CSMD1: variants seen among roughly 807,000 people sequenced by gnomAD.
The protein encoded by CSMD1 is CUB and sushi domain-containing protein 1.
In CSMD1, 213 loss-of-function variants were observed where a neutral mutation model predicts 417.5. The ratio of observed to expected loss-of-function variants is 0.51; its 90% confidence interval spans 0.46 to 0.57. The LOEUF is 0.57. CSMD1 is among the 20% of genes least tolerant of loss of function. The pLI is 0.00. For missense variants in CSMD1, 6,923 were observed against 4,529.7 expected, an observed-to-expected ratio of 1.53 and a Z score of -15.17; for synonymous variants, 2,862 against 1,736.8, an observed-to-expected ratio of 1.65 and a Z score of -16.11.
At chr8:4,295,357 T>C (rs1797616951) in intron 3 of CSMD1, among the ~76,000 whole-genome samples, 1 of 143,808 alleles carries the variant, frequency 7.0e-6, no homozygotes, top group South Asian at 2.3e-4. Flanking sequence ...CATATAACCT[T>C]AAGATTATAT....
intron 5 of CSMD1, among the ~76,000 whole-genome samples, chr8:3,970,345 A>G (rs1026205290): frequency 3.9e-5 from 6 of 152,168 alleles, no homozygotes; most frequent in Admixed American, 3.9e-4. Context: ...CCAGCATAAG[A>G]TCGCAGCAGC....
intron 1 of CSMD1, among the ~76,000 whole-genome samples, chr8:4,689,412 TAAGA>T (rs1806610706): frequency 6.6e-6 from 1 of 152,216 alleles, no homozygotes; most frequent in African/African-American, 2.4e-5. Flanking sequence ...ATATGTTTCA[TAAGA>T]AATAAGAAAA....
intron 23 of CSMD1, among the ~76,000 whole-genome samples, chr8:3,338,922 T>TG (rs1247966243): frequency 2.0e-5 from 3 of 151,600 alleles, no homozygotes; most frequent in Non-Finnish European, 4.4e-5. Context: ...GCCATGCTGG[T>TG]GCGCTGCACC....
intron 1 of CSMD1, among the ~76,000 whole-genome samples, chr8:4,761,635 C>T (rs930870209): frequency 6.6e-5 from 10 of 152,108 alleles, no homozygotes; most frequent in African/African-American, 2.2e-4. Flanking sequence ...CAAATGAAAT[C>T]ATTATAATTC....
Position 3,940,841 on chromosome 8 carries a change from G to A in CSMD1, c.818+57062C>T, listed in dbSNP as rs1379946171. 2.0e-5 allele frequency among the ~76,000 whole-genome samples: 3 copies of A among 151,038 alleles called. No individual in the cohort carries two copies. The Admixed American group carries it at 2.0e-4, about 10-fold the overall frequency. On this transcript the variant is annotated intron_variant, in intron 5 of 69. Transcript: ENST00000635120. ...TAAAAACCACAACTTAACCCAAGAA[G>A]TTTATTAAAAACTAATCATACGCTT... is the stretch of plus-strand genomic sequence containing the variant.
intron 3 of CSMD1, among the ~76,000 whole-genome samples, chr8:4,261,401 G>T (rs1260237547): frequency 6.6e-6 from 1 of 152,126 alleles, no homozygotes; most frequent in African/African-American, 2.4e-5. Context: ...TAGTTGCCAG[G>T]GGCTGGGGAG....
chr8:3,841,491 A>G (rs1803129146), intron 5 of CSMD1, among the ~76,000 whole-genome samples: 1 of 152,078 alleles, frequency 6.6e-6, no homozygotes, highest in South Asian at 2.1e-4. Flanking sequence ...TTCCCTTTTC[A>G]TTGCTCTTCT....
intron 2 of CSMD1, among the ~76,000 whole-genome samples, chr8:4,508,947 T>C (rs982281853): frequency 1.3e-5 from 2 of 152,020 alleles, no homozygotes; most frequent in South Asian, 2.1e-4. Context: ...ACAGGTCCAA[T>C]GTGAGGGCAG....
intron 3 of CSMD1, among the ~76,000 whole-genome samples, chr8:4,088,955 G>A (rs925994264): frequency 6.6e-6 from 1 of 152,048 alleles, no homozygotes; most frequent in Non-Finnish European, 1.5e-5. Context: ...TGAATTCCAC[G>A]AAGGGTCACA....
chr8:3,724,433 T>C lies in CSMD1; in HGVS notation c.932-15942A>G, dbSNP rs77143545. 7.9e-3 allele frequency among the ~76,000 whole-genome samples: 1,210 copies of C among 152,324 alleles called. 4 individuals are homozygous for C. Among genetic ancestry groups the C allele is most frequent in the Middle Eastern group, 0.017 (5 of 294 alleles). On this transcript the variant is annotated intron_variant, in intron 6 of 69. Transcript: ENST00000635120. ...TCACTTTTAAATGAAGTGATAAACA[T>C]TTAAAATTTTCTCTCAATGTAATTC...
At chr8:3,686,769 G>C (rs993427367) in intron 7 of CSMD1, among the ~76,000 whole-genome samples, 2 of 152,218 alleles carry the variant, frequency 1.3e-5, no homozygotes, top group South Asian at 2.1e-4. Flanking sequence ...CAGTCTATCA[G>C]TGGCTGGTTG....
intron 3 of CSMD1, among the ~76,000 whole-genome samples, chr8:4,404,248 A>G (rs533930767): frequency 1.3e-5 from 2 of 152,206 alleles, no homozygotes; most frequent in East Asian, 1.9e-4. Flanking sequence ...TCACCTTGTG[A>G]TAGGCTATAT....
chr8:3,385,850 C>G (rs1014794182), intron 18 of CSMD1, among the ~76,000 whole-genome samples: 14 of 152,054 alleles, frequency 9.2e-5, no homozygotes, highest in Admixed American at 4.6e-4. Flanking sequence ...GAGAATTCCT[C>G]TGTGGGAAAA....
At chr8:3,489,973 ATT>A (rs1818276973) in intron 11 of CSMD1, among the ~76,000 whole-genome samples, 2 of 152,198 alleles carry the variant, frequency 1.3e-5, no homozygotes, top group Non-Finnish European at 2.9e-5. Context: ...TATTTAAACT[ATT>A]CCAGTCTATC....
At chr8:4,109,066 T>C (rs1801718388) in intron 3 of CSMD1, among the ~76,000 whole-genome samples, 1 of 152,240 alleles carries the variant, frequency 6.6e-6, no homozygotes, top group Non-Finnish European at 1.5e-5. Flanking sequence ...AATGGCATAG[T>C]ATTTGCATAT....
intron 12 of CSMD1, among the ~76,000 whole-genome samples, chr8:3,428,746 C>T (rs535618425): frequency 1.4e-4 from 21 of 152,286 alleles, no homozygotes; most frequent in African/African-American, 4.8e-4. Context: ...GAAGAGATAG[C>T]TGCACTCCCC....
chr8:4,863,664 T>A (rs554261280), intron 1 of CSMD1, among the ~76,000 whole-genome samples: 1 of 152,048 alleles, frequency 6.6e-6, no homozygotes. Context: ...ATGTCTAATT[T>A]GAATCTAAAT....
chr8:3,689,645 G>C (rs1800130331), intron 7 of CSMD1, among the ~76,000 whole-genome samples: 1 of 152,140 alleles, frequency 6.6e-6, no homozygotes. Flanking sequence ...TGGCAGGCCT[G>C]GTTCTGAAGG....
At chr8:3,415,390 C>T (rs973793357) in intron 12 of CSMD1, among the ~76,000 whole-genome samples, 10 of 152,238 alleles carry the variant, frequency 6.6e-5, no homozygotes, top group African/African-American at 2.4e-4. Flanking sequence ...TGGAGCCTCG[C>T]TCTGTCACCC....
Sources: allele counts gnomAD v4.1 joint callset (sites outside exome capture counted in the v4.1 genomes callset), GRCh38; gene constraint gnomAD v4.1.1; transcripts MANE v1.5; gene names NCBI Gene and HGNC (gene_info 2026-07-23, HGNC 2026-07-21).